Variants in NUMB observed in about 807,000 individuals in gnomAD.
NUMB encodes NUMB endocytic adaptor protein.
A neutral mutation model predicts 59.7 loss-of-function variants in NUMB; 29 were observed. That is an observed-to-expected ratio of 0.49 (90% CI 0.36 to 0.66). The LOEUF (loss-of-function observed/expected upper bound fraction) is 0.66, where lower values mean the gene tolerates loss of function less well. NUMB is among the 30% of genes least tolerant of loss of function. The pLI is 0.00. For missense variants in NUMB, 723 were observed against 822.0 expected, an observed-to-expected ratio of 0.88 and a Z score of 1.47; for synonymous variants, 288 against 288.2, an observed-to-expected ratio of 1.00 and a Z score of 0.01.
chr14:73,278,303 C>T (rs1302991001), intron 12 of NUMB, among the ~76,000 whole-genome samples: 3 of 151,766 alleles, frequency 2.0e-5, no homozygotes, highest in Non-Finnish European at 4.4e-5. Context: ...GGGTGGATCA[C>T]GAGGTCAGGA....
chr14:73,353,072 G>GTTTTTTTTTTTTTTTTTTTTTTT lies in NUMB; in HGVS notation c.126+2531_126+2553dup, dbSNP rs71112737. 1.2e-3 allele frequency among the ~76,000 whole-genome samples: 71 copies of GTTTTTTTTTTTTTTTTTTTTTTT among 58,516 alleles called. 18 individuals carry two copies. Among genetic ancestry groups the GTTTTTTTTTTTTTTTTTTTTTTT allele is most frequent in the East Asian group, 5.0e-3 (8 of 1,596 alleles). The allele number at this position is 58,516 out of a possible 152,430, so 38.4% of individuals were successfully genotyped here. A position where few individuals can be genotyped will look rare whatever the true frequency, so the allele number is the denominator to read the frequency against. ...CTTAATGGATGCCACAGTTTTTCTT[G>GTTTTTTTTTTTTTTTTTTTTTTT]TTTTTTTTTTTTTTTTTTTTTTTTT... On this transcript the variant is annotated intron_variant, in intron 4 of 12. Transcript: ENST00000555238.
At chr14:73,346,480 CAA>C (rs144434568) in intron 4 of NUMB, among the ~76,000 whole-genome samples, 13 of 114,870 alleles carry the variant, frequency 1.1e-4, no homozygotes, top group Non-Finnish European at 9.7e-5. Flanking sequence ...AACTCTGTCT[CAA>C]AAAAAAAAAA....
chr14:73,282,577 GCTGGCACTTTATA>G, intron 10 of NUMB, 72 bp from the exon 11 acceptor site: 1 of 1,506,554 alleles, frequency 6.6e-7, no homozygotes, highest in Non-Finnish European at 9.0e-7. Flanking sequence ...TATGATGCAA[GCTGGCACTTTATA>G]CTGTATCTCC....
At chr14:73,330,509 T>A (rs577326048) in intron 4 of NUMB, among the ~76,000 whole-genome samples, 7 of 152,204 alleles carry the variant, frequency 4.6e-5, no homozygotes, top group Non-Finnish European at 7.3e-5. Flanking sequence ...TCTGGCTTCA[T>A]GGTCTTGGGC....
chr14:73,334,578 G>A (rs1041432919), intron 4 of NUMB, among the ~76,000 whole-genome samples: 25 of 151,968 alleles, frequency 1.6e-4, no homozygotes, highest in African/African-American at 5.1e-4. Context: ...GGGCCTATTC[G>A]ACTTTTCTTT....
chr14:73,446,488 C>A (rs1018231557), intron 1 of NUMB, among the ~76,000 whole-genome samples: 1 of 151,878 alleles, frequency 6.6e-6, no homozygotes, highest in African/African-American at 2.4e-5. Flanking sequence ...ACCCTGTAAT[C>A]CCAGCTACTC....
At chr14:73,377,614 T>G (rs1268395182) in intron 2 of NUMB, among the ~76,000 whole-genome samples, 1 of 152,072 alleles carries the variant, frequency 6.6e-6, no homozygotes, top group East Asian at 1.9e-4. Context: ...CACTCCAGCC[T>G]GGGTGACAGA....
intron 1 of NUMB, among the ~76,000 whole-genome samples, chr14:73,415,401 T>TA (rs1897083315): frequency 6.6e-6 from 1 of 152,160 alleles, no homozygotes; most frequent in Admixed American, 6.6e-5. Context: ...CCAAAATAAC[T>TA]AAAGTAACAC....
At chr14:73,389,287 A>AAC (rs1566775205) in intron 2 of NUMB, among the ~76,000 whole-genome samples, 2 of 97,386 alleles carry the variant, frequency 2.1e-5, no homozygotes, top group African/African-American at 7.3e-5. Context: ...AAAAAAAAAA[A>AAC]AAAAAACAAA....
intron 6 of NUMB, among the ~76,000 whole-genome samples, chr14:73,313,879 C>T (rs1890927619): frequency 1.3e-5 from 2 of 150,380 alleles, no homozygotes; most frequent in Admixed American, 6.6e-5. Context: ...ATTATCTTGG[C>T]TCATTGCAAC....
At chr14:73,416,861 C>G (rs532596209) in intron 1 of NUMB, among the ~76,000 whole-genome samples, 2 of 151,962 alleles carry the variant, frequency 1.3e-5, no homozygotes, top group East Asian at 3.9e-4. Context: ...TAAATGGGAA[C>G]AAGCATTCCT....
intron 11 of NUMB, 104 bp downstream of exon 11, chr14:73,282,255 G>T: frequency 9.0e-7 from 1 of 1,108,670 alleles, no homozygotes; most frequent in Non-Finnish European, 1.3e-6. Context: ...TAATGGGTCT[G>T]ACCAGGCCTT....
chr14:73,426,438 G>T (rs1897580749), intron 1 of NUMB, among the ~76,000 whole-genome samples: 1 of 152,072 alleles, frequency 6.6e-6, no homozygotes, highest in Non-Finnish European at 1.5e-5. Flanking sequence ...CTGGCACAGG[G>T]GCTCACACTT....
At chr14:73,295,698 T>A (rs1889730682) in intron 7 of NUMB, among the ~76,000 whole-genome samples, 1 of 152,054 alleles carries the variant, frequency 6.6e-6, no homozygotes, top group Non-Finnish European at 1.5e-5. Flanking sequence ...TTCAGTGGCA[T>A]TTGAATTTTT....
At chr14:73,395,075 G>GTGTGTGTA (rs1896063096) in intron 2 of NUMB, among the ~76,000 whole-genome samples, 1 of 143,426 alleles carries the variant, frequency 7.0e-6, no homozygotes, top group South Asian at 2.1e-4. Flanking sequence ...GTGTGTGTGT[G>GTGTGTGTA]TGTGTGTGTG....
intron 2 of NUMB, among the ~76,000 whole-genome samples, chr14:73,395,887 A>G (rs1336915508): frequency 1.3e-5 from 2 of 152,242 alleles, no homozygotes; most frequent in African/African-American, 4.8e-5. Context: ...ATTGAGTTCT[A>G]GAATGGCTAG....
At chr14:73,394,169 G>A (rs1896000980) in intron 2 of NUMB, among the ~76,000 whole-genome samples, 1 of 152,096 alleles carries the variant, frequency 6.6e-6, no homozygotes, top group African/African-American at 2.4e-5. Flanking sequence ...TGGCCAGGCT[G>A]GTCTCGAACT....
At chr14:73,304,659 G>A (rs1432586786) in intron 6 of NUMB, among the ~76,000 whole-genome samples, 1 of 152,182 alleles carries the variant, frequency 6.6e-6, no homozygotes, top group Non-Finnish European at 1.5e-5. Context: ...ACAAGTTGGT[G>A]ATATACATGG....
intron 4 of NUMB, among the ~76,000 whole-genome samples, chr14:73,349,067 T>C (rs889535956): frequency 6.6e-6 from 1 of 152,242 alleles, no homozygotes; most frequent in Non-Finnish European, 1.5e-5. Flanking sequence ...TTAAACACAA[T>C]AATCATATAT....
Sources: gnomAD v4.1 joint callset for allele counts (sites outside exome capture counted in the v4.1 genomes callset) on GRCh38, gnomAD v4.1.1 for gene constraint, MANE v1.5 for transcripts, NCBI Gene and HGNC (gene_info 2026-07-23, HGNC 2026-07-21) for gene names.